The following PCDH15 variants were observed in gnomAD, a reference collection of about 807,000 sequenced individuals.
PCDH15 encodes the protein protocadherin-15.
A neutral mutation model predicts 178.5 loss-of-function variants in PCDH15; 129 were observed. That is an observed-to-expected ratio of 0.72 (90% CI 0.63 to 0.84). The LOEUF (loss-of-function observed/expected upper bound fraction) is 0.84. Among genes scored for constraint, PCDH15 ranks in the 40% least tolerant of loss-of-function variants. PCDH15 has a pLI of 0.00. For missense variants in PCDH15, 2,230 were observed against 2,099.9 expected (o/e 1.06, Z -1.21); for synonymous variants, 800 against 732.0 (o/e 1.09, Z -1.50).
intron 3 of PCDH15, among the ~76,000 whole-genome samples, chr10:54,839,034 G>A (rs1953371065): frequency 6.6e-6 from 1 of 151,968 alleles, no homozygotes; most frequent in Non-Finnish European, 1.5e-5. Context: ...AACAAGAAGT[G>A]GTCTTTAACT....
At chr10:54,528,582 C>T (rs2083587335) in intron 2 of PCDH15, among the ~76,000 whole-genome samples, 1 of 151,950 alleles carries the variant, frequency 6.6e-6, no homozygotes, top group Non-Finnish European at 1.5e-5. Flanking sequence ...AGATTTCCTA[C>T]TTCTAATATA....
At chr10:54,691,946 T>G (rs1445699487) in intron 1 of PCDH15, among the ~76,000 whole-genome samples, 1 of 152,162 alleles carries the variant, frequency 6.6e-6, no homozygotes, top group African/African-American at 2.4e-5. Context: ...AGTAATACTT[T>G]GGCCACTTCA....
At chr10:54,001,656 A>G (rs558149879) in intron 20 of PCDH15, among the ~76,000 whole-genome samples, 1 of 152,160 alleles carries the variant, frequency 6.6e-6, no homozygotes, top group South Asian at 2.1e-4. Flanking sequence ...GAAAGAAAGA[A>G]AGAAGACAAA....
At chr10:53,972,630 C>G (rs1176720746) in intron 21 of PCDH15, among the ~76,000 whole-genome samples, 76 of 152,092 alleles carry the variant, frequency 5.0e-4, no homozygotes, top group Admixed American at 7.9e-4. Context: ...GTGGGCAAAG[C>G]ATATGAACAG....
At chr10:54,767,578 C>T (rs529337032) in intron 1 of PCDH15, among the ~76,000 whole-genome samples, 8 of 152,210 alleles carry the variant, frequency 5.3e-5, no homozygotes, top group Admixed American at 1.3e-4. Flanking sequence ...GTTGAGAAAT[C>T]CGACAAGTCC....
At chr10:54,599,315 A>G (rs1017386469) in intron 2 of PCDH15, among the ~76,000 whole-genome samples, 4 of 152,180 alleles carry the variant, frequency 2.6e-5, no homozygotes, top group Admixed American at 2.0e-4. Flanking sequence ...ATATGCATAG[A>G]CCAAAAAAAC....
intron 27 of PCDH15, among the ~76,000 whole-genome samples, chr10:53,857,755 G>A (rs1199955995): frequency 6.6e-6 from 1 of 151,992 alleles, no homozygotes; most frequent in Admixed American, 6.6e-5. Context: ...TTAAATTTGT[G>A]TAGGTAGAGG....
chr10:54,523,285 A>AT (rs2083065126), intron 3 of PCDH15, among the ~76,000 whole-genome samples: 1 of 152,154 alleles, frequency 6.6e-6, no homozygotes, highest in African/African-American at 2.4e-5. Context: ...ATATATCTAC[A>AT]TTTTGTTGAA....
At chr10:53,876,350 G>T (rs950998849) in intron 26 of PCDH15, among the ~76,000 whole-genome samples, 4 of 151,938 alleles carry the variant, frequency 2.6e-5, no homozygotes, top group African/African-American at 9.7e-5. Context: ...ACCAGATCCG[G>T]CTAATTTTTT....
At chr10:54,775,729 C>A (rs961679599) in intron 1 of PCDH15, among the ~76,000 whole-genome samples, 1 of 152,016 alleles carries the variant, frequency 6.6e-6, no homozygotes, top group African/African-American at 2.4e-5. Context: ...ACTAAAAATA[C>A]AAAAAATTAG....
chr10:54,240,371 G>C (rs2055116502), intron 8 of PCDH15, among the ~76,000 whole-genome samples: 1 of 151,680 alleles, frequency 6.6e-6, no homozygotes, highest in Non-Finnish European at 1.5e-5. Flanking sequence ...CAATGCTGAT[G>C]AACAAAGGAA....
chr10:54,371,057 T>C (rs1407904041), intron 4 of PCDH15, among the ~76,000 whole-genome samples: 1 of 151,890 alleles, frequency 6.6e-6, no homozygotes, highest in Non-Finnish European at 1.5e-5. Context: ...TAAAATCATG[T>C]GTATAAAATC....
At chr10:55,462,520 G>A (rs961457718) in intron 2 of PCDH15, among the ~76,000 whole-genome samples, 4 of 152,098 alleles carry the variant, frequency 2.6e-5, no homozygotes, top group Admixed American at 6.6e-5. Flanking sequence ...TTGCTTTAAA[G>A]CATTCATAGT....
chr10:54,262,629 T>C (rs981919763), intron 8 of PCDH15, among the ~76,000 whole-genome samples: 1 of 152,044 alleles, frequency 6.6e-6, no homozygotes, highest in African/African-American at 2.4e-5. Context: ...CGCAGGGACA[T>C]TGAGCTGAGA....
At chr10:54,150,931 A>C (rs1380319754) in intron 14 of PCDH15, among the ~76,000 whole-genome samples, 4 of 152,122 alleles carry the variant, frequency 2.6e-5, no homozygotes, top group Non-Finnish European at 5.9e-5. Flanking sequence ...TAGAATCTAC[A>C]CCATGGATGC....
At chr10:54,248,999 T>G (rs926589499) in intron 8 of PCDH15, among the ~76,000 whole-genome samples, 4 of 151,372 alleles carry the variant, frequency 2.6e-5, no homozygotes, top group African/African-American at 7.3e-5. Flanking sequence ...GCAAAAATAT[T>G]TATTGTCTTG....
At chr10:54,036,639 C>G (rs61159060) in intron 18 of PCDH15, among the ~76,000 whole-genome samples, 1 of 151,754 alleles carries the variant, frequency 6.6e-6, no homozygotes, top group Non-Finnish European at 1.5e-5. Flanking sequence ...CCTGGTCACT[C>G]AAGAGTTCTG....
At chr10:54,937,483 A>G (rs1584902) in intron 2 of PCDH15, among the ~76,000 whole-genome samples, 20,345 of 151,840 alleles carry the variant, frequency 0.13, 1,553 homozygotes, top group East Asian at 0.23. Flanking sequence ...TATTTTATTT[A>G]ATTTTTTAAA....
chr10:55,480,189 A>C (rs979845920), intron 2 of PCDH15, among the ~76,000 whole-genome samples: 4 of 151,666 alleles, frequency 2.6e-5, no homozygotes, highest in African/African-American at 7.2e-5. Flanking sequence ...AGAGATTTGC[A>C]GTTCTACTTG....
Sources: allele counts gnomAD v4.1 joint callset (sites outside exome capture counted in the v4.1 genomes callset), GRCh38; gene constraint gnomAD v4.1.1; transcripts MANE v1.5; gene names NCBI Gene and HGNC (gene_info 2026-07-23, HGNC 2026-07-21).